The following MYO3B variants were observed in gnomAD, a reference collection of about 807,000 sequenced individuals.
The protein encoded by MYO3B is myosin IIIB, also known as myosin-IIIb.
MYO3B carries 156 observed loss-of-function variants against 174.6 expected under a neutral mutation model. The observed-to-expected ratio is 0.89, with a 90% CI of 0.78 to 1.02. The LOEUF (loss-of-function observed/expected upper bound fraction) is 1.02, where lower values mean the gene tolerates loss of function less well. MYO3B is among the 50% of genes least tolerant of loss of function. The probability of loss-of-function intolerance (pLI) is 0.00; values close to 1 mark genes in which losing one functional copy is unlikely to be tolerated. For missense variants in MYO3B, 1,632 were observed against 1,639.4 expected, an observed-to-expected ratio of 1.00 and a Z score of 0.08; for synonymous variants, 563 against 569.1, an observed-to-expected ratio of 0.99 and a Z score of 0.15.
intron 32 of MYO3B, chr2:170,641,493 C>A (rs988268250): frequency 1.3e-5 from 2 of 150,912 alleles, no homozygotes; most frequent in Admixed American, 1.3e-4. Context: ...TGTCAAACAC[C>A]AAACTATGAG....
chr2:170,280,766 G>A lies in MYO3B; in HGVS notation c.749+44630G>A, dbSNP rs182643182. On this transcript the variant is annotated intron_variant, in intron 7 of 34. Coordinates refer to ENST00000408978, the MANE Select transcript of MYO3B (RefSeq NM_138995.5). ...CCCATTGCTTGGTTTTGTCGGCTTT[G>A]TCAAAGATCAGATGGTCATAGGTGT... 9.9e-3 allele frequency among the ~76,000 whole-genome samples: 1,512 copies of A among 152,210 alleles called. 10 individuals carry two copies. Among genetic ancestry groups the A allele is most frequent in the Non-Finnish European group, 0.016 (1,119 of 68,016 alleles).
chr2:170,191,925 G>A (rs973476576), intron 1 of MYO3B, among the ~76,000 whole-genome samples: 7 of 152,128 alleles, frequency 4.6e-5, no homozygotes, highest in South Asian at 2.1e-4. Context: ...CCTGTAACTC[G>A]AGATTCTCCT....
chr2:170,248,794 G>A (rs1444416828), intron 7 of MYO3B, among the ~76,000 whole-genome samples: 7 of 152,112 alleles, frequency 4.6e-5, no homozygotes, highest in African/African-American at 1.7e-4. Context: ...CAGCTGATTG[G>A]TAACCATACC....
chr2:170,502,600 TGG>T (rs1559063504), intron 28 of MYO3B, among the ~76,000 whole-genome samples: 1 of 151,790 alleles, frequency 6.6e-6, no homozygotes, highest in Non-Finnish European at 1.5e-5. Context: ...GTGTCCACTG[TGG>T]GTGCGGGTGC....
chr2:170,400,315 G>C lies in MYO3B; in HGVS notation c.1918+1G>C. 1 of 1,613,574 alleles carries C rather than the reference G, an allele frequency of 6.2e-7. No homozygotes were observed. Among genetic ancestry groups the C allele is most frequent in the Non-Finnish European group, 8.5e-7 (1 of 1,179,826 alleles). On this transcript the variant is annotated splice_donor_variant, in intron 17 of 34. Coordinates refer to ENST00000408978, the MANE Select transcript of MYO3B (RefSeq NM_138995.5). LOFTEE classifies it high-confidence loss of function. ...CCCAATGCTGAAGCTTTGCAAAATGGTAATTATTTGATATTTGTGGGCTGT... is the reference window on the plus strand; with the variant it reads ...CCCAATGCTGAAGCTTTGCAAAATGCTAATTATTTGATATTTGTGGGCTGT...
At chr2:170,370,646 C>CAG (rs2094235234) in intron 9 of MYO3B, among the ~76,000 whole-genome samples, 3 of 150,226 alleles carry the variant, frequency 2.0e-5, no homozygotes, top group South Asian at 4.3e-4. Flanking sequence ...CACACACACA[C>CAG]ACACACACAC....
intron 25 of MYO3B, among the ~76,000 whole-genome samples, chr2:170,478,176 G>C (rs1461197553): frequency 1.3e-5 from 2 of 152,112 alleles, no homozygotes; most frequent in Admixed American, 1.3e-4. Context: ...GCTTCAGGGA[G>C]AGGCTTAGAA....
chr2:170,224,293 C>T (rs552031426), intron 6 of MYO3B, among the ~76,000 whole-genome samples: 3 of 152,304 alleles, frequency 2.0e-5, no homozygotes, highest in Admixed American at 6.5e-5. Flanking sequence ...TAGGAGGAAT[C>T]GAGCCCAAAT....
intron 30 of MYO3B, among the ~76,000 whole-genome samples, chr2:170,528,341 A>T (rs1469193092): frequency 6.6e-5 from 10 of 152,224 alleles, no homozygotes; most frequent in Non-Finnish European, 1.5e-4. Flanking sequence ...TGATGTTAGA[A>T]TGCATGTTTG....
intron 22 of MYO3B, among the ~76,000 whole-genome samples, chr2:170,423,339 G>A (rs2094633458): frequency 6.6e-6 from 1 of 152,094 alleles, no homozygotes; most frequent in African/African-American, 2.4e-5. Context: ...CATGACTGCA[G>A]AGGATCGCTG....
At chr2:170,573,198 T>C (rs776077122) in intron 32 of MYO3B, among the ~76,000 whole-genome samples, 8 of 144,594 alleles carry the variant, frequency 5.5e-5, no homozygotes, top group Non-Finnish European at 9.0e-5. Flanking sequence ...GTAGTAAACA[T>C]ATGTAATAAA....
intron 1 of MYO3B, among the ~76,000 whole-genome samples, chr2:170,182,672 C>G (rs886840448): frequency 1.4e-5 from 2 of 143,458 alleles, no homozygotes; most frequent in African/African-American, 5.1e-5. Flanking sequence ...AGTGCAGTGG[C>G]GTGATCTCAG....
At chr2:170,424,292 G>A (rs2094643280) in intron 22 of MYO3B, among the ~76,000 whole-genome samples, 1 of 152,044 alleles carries the variant, frequency 6.6e-6, no homozygotes, top group Admixed American at 6.6e-5. Flanking sequence ...TGCCTTCCTG[G>A]CTCTAAGGCC....
chr2:170,283,230 ACTCTC>A, intron 7 of MYO3B, among the ~76,000 whole-genome samples: 1 of 151,890 alleles, frequency 6.6e-6, no homozygotes, highest in East Asian at 1.9e-4. Context: ...GAGTCAAGGG[ACTCTC>A]CTGTGGCTAG....
At chr2:170,633,862 C>T (rs1259974406) in intron 32 of MYO3B, among the ~76,000 whole-genome samples, 2 of 152,164 alleles carry the variant, frequency 1.3e-5, no homozygotes. Flanking sequence ...AACTCCCATT[C>T]ACAATTCCTA....
At chr2:170,315,649 G>A (rs891844642) in intron 7 of MYO3B, among the ~76,000 whole-genome samples, 1 of 152,158 alleles carries the variant, frequency 6.6e-6, no homozygotes, top group African/African-American at 2.4e-5. Context: ...ATTGCCTATT[G>A]AATGTTTACT....
chr2:170,368,931 C>T (rs2094218518), intron 8 of MYO3B, among the ~76,000 whole-genome samples: 1 of 151,958 alleles, frequency 6.6e-6, no homozygotes, highest in Non-Finnish European at 1.5e-5. Flanking sequence ...GAAAATTGAG[C>T]AGTCTATATT....
intron 8 of MYO3B, among the ~76,000 whole-genome samples, chr2:170,336,704 C>A (rs2093949521): frequency 6.6e-6 from 1 of 152,174 alleles, no homozygotes; most frequent in Admixed American, 6.6e-5. Context: ...GGGGCTGTTA[C>A]ATAATATACA....
chr2:170,239,426 G>A (rs560590878), intron 7 of MYO3B, among the ~76,000 whole-genome samples: 3 of 152,212 alleles, frequency 2.0e-5, no homozygotes, highest in Non-Finnish European at 4.4e-5. Flanking sequence ...AAGGCTGTGG[G>A]CATCAGTGTG....
Sources: allele counts gnomAD v4.1 joint callset (sites outside exome capture counted in the v4.1 genomes callset), GRCh38; gene constraint gnomAD v4.1.1; transcripts MANE v1.5; gene names NCBI Gene and HGNC (gene_info 2026-07-23, HGNC 2026-07-21).